Variants in NKTR observed in about 807,000 individuals in gnomAD.
NKTR encodes the protein natural killer cell triggering receptor.
NKTR carries 67 observed loss-of-function variants against 156.3 expected under a neutral mutation model. That is an observed-to-expected ratio of 0.43 (90% confidence interval 0.35 to 0.53). The LOEUF (loss-of-function observed/expected upper bound fraction) is 0.53, where lower values mean the gene tolerates loss of function less well. Ranked by LOEUF, NKTR falls within the 20% of genes least tolerant of loss-of-function variation. NKTR has a pLI of 0.01. For missense variants in NKTR, 1,604 were observed against 1,730.9 expected (o/e 0.93, Z 1.30); for synonymous variants, 640 against 596.6 (o/e 1.07, Z -1.06).
rs1709705262 is a variant in NKTR, at chr3:42,639,611, C to T, written c.3907C>T (p.Pro1303Ser). Reference sequence around the variant, plus strand: ...GGAGAGTTCAAGTGATGAGCAGACGCCTAGTCGGGATGATGATAGCCAGTC... The same window carrying T: ...GGAGAGTTCAAGTGATGAGCAGACGTCTAGTCGGGATGATGATAGCCAGTC... ...NQESSSDEQT[P>S]SRDDDSQSRS... Residue 1303 changes from proline (P) to serine (S), a missense_variant, in exon 13 of 17, where the codon CCT becomes TCT. This residue lies in a region of NKTR where 193 missense variants were observed against 220.2 expected (regional missense o/e 0.88). Transcript: ENST00000232978. 6.2e-7 allele frequency: 1 copy of T among 1,614,178 alleles called. No individual in the cohort carries two copies. Among genetic ancestry groups the T allele is most frequent in the Non-Finnish European group, 8.5e-7 (1 of 1,180,020 alleles).
At chr3:42,621,390 A>T in intron 5 of NKTR, 39 bp from the exon 6 acceptor site, 3 of 1,582,132 alleles carry the variant, frequency 1.9e-6, no homozygotes, top group Non-Finnish European at 2.6e-6. Context: ...AAAGTGACTT[A>T]TAATTGGAGA....
intron 6 of NKTR, chr3:42,623,795 G>A (rs552579521): frequency 1.3e-5 from 2 of 152,122 alleles, no homozygotes; most frequent in Non-Finnish European, 2.9e-5. Flanking sequence ...AGGGCACTTT[G>A]AGTGGCAGTT....
rs1341452215 is a variant in NKTR at position 42,643,973 on chromosome 3, A to C, written c.4271A>C (p.His1424Pro). ...RSRSQRSDSYHRGRSYNRRSR... is the reference protein window; with the variant it reads ...RSRSQRSDSYPRGRSYNRRSR... ...AGAAGCCAGAGAAGTGACAGTTACC[A>C]CCGAGGCAGAAGTTATAATCGGCGG... is the stretch of plus-strand genomic sequence containing the variant. The change falls in exon 16 of 17, where the codon CAC (histidine) becomes CCC (proline). Residue 1424 changes from histidine (H) to proline (P), a missense_variant. Coordinates refer to ENST00000232978, the MANE Select transcript of NKTR (RefSeq NM_005385.4). The C allele has an allele frequency of 6.2e-7, 1 of 1,614,036 alleles. No individual in the cohort carries two copies. The highest frequency in any genetic ancestry group is 1.1e-5 in the South Asian group (1 of 91,072).
chr3:42,617,049 G>A (rs978989139), intron 2 of NKTR, among the ~76,000 whole-genome samples: 1 of 152,134 alleles, frequency 6.6e-6, no homozygotes, highest in African/African-American at 2.4e-5. Flanking sequence ...GAGCCACCAT[G>A]CCCAGCTTAA....
chr3:42,620,077 A>G (rs1268190466), intron 5 of NKTR: 13 of 1,533,268 alleles, frequency 8.5e-6, no homozygotes, highest in East Asian at 2.5e-5. Context: ...ACAAACTCCA[A>G]TTCTGTTCCC....
chr3:42,621,493 T>C lies in NKTR; in HGVS notation c.351T>C (p.His117=), dbSNP rs751991020. The change falls in exon 6 of 17, where the codon CAT becomes CAC. Residue 117 remains histidine (H), a synonymous_variant. Coordinates refer to ENST00000232978, the MANE Select transcript of NKTR (RefSeq NM_005385.4). ...FLLSMANRGK[H]TNGSQFFITT... ...TATCAATGGCAAATCGAGGGAAACA[T>C]ACCAATGGTTCCCAGTTTTTCATGT... is the stretch of plus-strand genomic sequence containing the variant. The C allele has an allele frequency of 2.5e-6, 4 of 1,609,234 alleles. No homozygotes were observed. Among genetic ancestry groups the C allele is most frequent in the Non-Finnish European group, 3.4e-6 (4 of 1,177,556 alleles).
At chr3:42,623,043 C>T (rs1427501021) in intron 6 of NKTR, among the ~76,000 whole-genome samples, 1 of 151,896 alleles carries the variant, frequency 6.6e-6, no homozygotes, top group Non-Finnish European at 1.5e-5. Context: ...ATTAAAAATG[C>T]TATCGTTAAA....
At chr3:42,618,959 T>A (rs895680082) in intron 3 of NKTR, 61 bp from the exon 4 acceptor site, 70 of 1,402,770 alleles carry the variant, frequency 5.0e-5, no homozygotes, top group Non-Finnish European at 6.8e-5. Context: ...TGGTTTGTTC[T>A]TTCCATGGAA....
chr3:42,600,918 C>T (rs1009278632), intron 1 of NKTR, 66 bp from the exon 2 acceptor site: 1 of 1,022,002 alleles, frequency 9.8e-7, no homozygotes, highest in East Asian at 3.3e-5. Flanking sequence ...TCAGCCCCGC[C>T]CTCGCCCCTG....
chr3:42,626,410 C>A (rs1708394557), intron 6 of NKTR, among the ~76,000 whole-genome samples: 1 of 150,270 alleles, frequency 6.7e-6, no homozygotes, highest in African/African-American at 2.4e-5. Flanking sequence ...GTGTGTTCTC[C>A]AAAAAAAAAT....
chr3:42,616,459 A>G (rs1707378229), intron 2 of NKTR, among the ~76,000 whole-genome samples: 1 of 152,170 alleles, frequency 6.6e-6, no homozygotes, highest in African/African-American at 2.4e-5. Flanking sequence ...CAGAGATCAT[A>G]TATTAATATG....
chr3:42,643,521 C>G (rs1710087873), intron 15 of NKTR, 126 bp downstream of exon 15: 1 of 775,868 alleles, frequency 1.3e-6, no homozygotes. Context: ...GAAACCATAC[C>G]TTTTCTAAAT....
chr3:42,645,236 A>G (rs1444074467), intron 16 of NKTR, among the ~76,000 whole-genome samples: 28 of 151,950 alleles, frequency 1.8e-4, no homozygotes, highest in Non-Finnish European at 2.9e-5. Context: ...ATTTTGGGTA[A>G]TATGGGGAAA....
chr3:42,637,550 C>T lies in NKTR; in HGVS notation c.1846C>T (p.Pro616Ser). The change falls in exon 13 of 17, where the codon CCT becomes TCT. Residue 616 changes from proline (P) to serine (S), a missense_variant. By Grantham distance (74) the Pro-to-Ser change is moderately conservative. Coordinates refer to ENST00000232978, the MANE Select transcript of NKTR (RefSeq NM_005385.4). ...PVIPLSDSPP[P>S]SRWKPGQKPW... ...AATACCACTGAGTGACAGTCCCCCCCCTTCAAGATGGAAGCCTGGACAGAA... is the reference window on the plus strand; with the variant it reads ...AATACCACTGAGTGACAGTCCCCCCTCTTCAAGATGGAAGCCTGGACAGAA... 6.2e-7 allele frequency: 1 copy of T among 1,613,928 alleles called. No homozygotes were observed. Among genetic ancestry groups the T allele is most frequent in the Non-Finnish European group, 8.5e-7 (1 of 1,179,974 alleles).
chr3:42,645,910 G>C lies in NKTR; in HGVS notation c.4324G>C (p.Asp1442His), dbSNP rs758484138. ...RSRSCRSYGS[D>H]SESDRSYSHH... is the part of the protein sequence containing the mutation. ...CAGGAGTTGTAGATCTTATGGCTCT[G>C]ACAGTGAAAGTGACCGAAGTTACTC... Residue 1442 changes from aspartate to histidine, a missense_variant, in exon 17 of 17, where the codon GAC (aspartate) becomes CAC (histidine). Physicochemically the swap from Asp to His is moderately conservative, Grantham distance 81. Transcript: ENST00000232978. 5.0e-6 allele frequency: 8 copies of C among 1,612,632 alleles called. No individual in the cohort carries two copies. The highest frequency in any genetic ancestry group is 6.8e-6 in the Non-Finnish European group (8 of 1,179,078).
intron 2 of NKTR, among the ~76,000 whole-genome samples, chr3:42,611,355 T>C (rs1192833717): frequency 6.6e-6 from 1 of 152,224 alleles, no homozygotes; most frequent in Non-Finnish European, 1.5e-5. Flanking sequence ...CTTTGTTTTA[T>C]ATCTTTTACT....
chr3:42,643,828 G>C (rs2125827384), intron 15 of NKTR, 74 bp from the exon 16 acceptor site: 1 of 1,045,854 alleles, frequency 9.6e-7, no homozygotes, highest in East Asian at 2.5e-5. Context: ...ACACTCCTGA[G>C]ATCCTAAAAA....
chr3:42,646,028 T>A lies in NKTR; in HGVS notation c.*53T>A, dbSNP rs1710329692. On this transcript the variant is annotated 3_prime_UTR_variant, in exon 17 of 17. Coordinates refer to ENST00000232978, the MANE Select transcript of NKTR (RefSeq NM_005385.4). Reference sequence around the variant, plus strand: ...TTTGTAAATATCTGGCAACTTAGCTTAAGAAATGTAATGACAGTCTGTTGT... The same window carrying A: ...TTTGTAAATATCTGGCAACTTAGCTAAAGAAATGTAATGACAGTCTGTTGT... 1 of 1,272,300 alleles carries A rather than the reference T, an allele frequency of 7.9e-7. No individual in the cohort carries two copies. The highest frequency in any genetic ancestry group is 1.1e-6 in the Non-Finnish European group (1 of 879,238). 78.8% of individuals were successfully genotyped at this position (1,272,300 alleles called of 1,614,324 possible).
Position 42,635,373 on chromosome 3 carries a change from A to G in NKTR, c.1163+7A>G, listed in dbSNP as rs1709302971. 6.2e-7 allele frequency: 1 copy of G among 1,602,676 alleles called. No homozygotes were observed. Among genetic ancestry groups the G allele is most frequent in the Admixed American group, 1.7e-5 (1 of 58,268 alleles). On this transcript the variant is annotated splice_region_variant and intron_variant, in intron 12 of 16. Coordinates refer to ENST00000232978, the MANE Select transcript of NKTR (RefSeq NM_005385.4). ...AATGGAGTAAAGGAGATAAGTAAGA[A>G]CTTTGAGTATAAGCACAATCCTGTG...
Sources: allele counts gnomAD v4.1 joint callset (sites outside exome capture counted in the v4.1 genomes callset), GRCh38; gene constraint gnomAD v4.1.1; regional missense constraint gnomAD v4.1.1; transcripts MANE v1.5; gene names NCBI Gene and HGNC (gene_info 2026-07-23, HGNC 2026-07-21).